PCGF5: variants seen among roughly 807,000 people sequenced by gnomAD.
PCGF5 encodes polycomb group ring finger 5, also known as polycomb group RING finger protein 5.
A neutral mutation model predicts 44.3 loss-of-function variants in PCGF5; 9 were observed. The ratio of observed to expected loss-of-function variants is 0.20; its 90% CI spans 0.12 to 0.35. PCGF5 has a LOEUF of 0.35. PCGF5 is among the 10% of genes least tolerant of loss of function. The pLI is 1.00. For synonymous variants in PCGF5, 95 were observed against 102.5 expected (o/e 0.93, Z 0.44); for missense variants, 146 against 305.3 (o/e 0.48, Z 3.89).
intron 6 of PCGF5, among the ~76,000 whole-genome samples, chr10:91,257,883 A>G (rs977680791): frequency 5.3e-5 from 8 of 152,186 alleles, no homozygotes; most frequent in Admixed American, 1.3e-4. Flanking sequence ...TATTTGTAAT[A>G]GCCAGAAAGT....
intron 1 of PCGF5, 102 bp from the exon 2 acceptor site, chr10:91,222,587 A>T: frequency 8.5e-6 from 4 of 470,368 alleles, no homozygotes; most frequent in Non-Finnish European, 1.5e-5. Context: ...TATTCACCCA[A>T]TTGGGAACAT....
At chr10:91,243,074 T>C (rs1489872770) in intron 3 of PCGF5, among the ~76,000 whole-genome samples, 1 of 152,142 alleles carries the variant, frequency 6.6e-6, no homozygotes, top group Non-Finnish European at 1.5e-5. Context: ...GTAAACACTT[T>C]TTAAAGGATA....
intron 3 of PCGF5, among the ~76,000 whole-genome samples, chr10:91,242,227 G>A (rs1279191335): frequency 6.6e-6 from 1 of 150,628 alleles, no homozygotes; most frequent in Non-Finnish European, 1.5e-5. Context: ...CAATGCACAG[G>A]ATAGGCCCCA....
At chr10:91,225,836 C>T (rs1406276440) in intron 2 of PCGF5, among the ~76,000 whole-genome samples, 1 of 152,132 alleles carries the variant, frequency 6.6e-6, no homozygotes, top group African/African-American at 2.4e-5. Context: ...CAGTATTCCT[C>T]AGCCTTTGGT....
upstream of PCGF5, among the ~76,000 whole-genome samples, chr10:91,216,386 A>G (rs146590122): frequency 2.8e-3 from 426 of 152,242 alleles, 2 homozygotes; most frequent in African/African-American, 9.8e-3. Flanking sequence ...CTATCTAGCT[A>G]GAGAGTAAAG....
chr10:91,261,234 A>G, intron 6 of PCGF5, 92 bp from the exon 7 acceptor site: 1 of 1,330,670 alleles, frequency 7.5e-7, no homozygotes, highest in Non-Finnish European at 9.8e-7. Flanking sequence ...ACTCAAAATG[A>G]TAGTGAAACT....
the PCGF5 span, among the ~76,000 whole-genome samples, chr10:91,157,833 A>G: frequency 6.6e-6 from 1 of 152,198 alleles, no homozygotes; most frequent in Non-Finnish European, 1.5e-5. Context: ...TTGTTCCTCA[A>G]TTTCCTCTTT....
chr10:91,245,170 G>A (rs576149385), intron 3 of PCGF5, among the ~76,000 whole-genome samples: 1 of 152,238 alleles, frequency 6.6e-6, no homozygotes, highest in East Asian at 1.9e-4. Flanking sequence ...CAACCAGTGA[G>A]GTAGAGGAAA....
chr10:91,240,637 A>C, intron 3 of PCGF5, 57 bp downstream of exon 3: 1 of 1,106,456 alleles, frequency 9.0e-7, no homozygotes, highest in Non-Finnish European at 1.3e-6. Flanking sequence ...TAGGCTCTTA[A>C]TTTTTATTGT....
intron 3 of PCGF5, among the ~76,000 whole-genome samples, chr10:91,246,301 A>G (rs1435684042): frequency 1.3e-5 from 2 of 152,194 alleles, no homozygotes; most frequent in Admixed American, 6.5e-5. Flanking sequence ...CTTGAAGAAT[A>G]AGGTAGCATT....
intron 1 of PCGF5, among the ~76,000 whole-genome samples, chr10:91,183,982 C>T (rs1843870415): frequency 6.6e-6 from 1 of 151,606 alleles, no homozygotes; most frequent in Non-Finnish European, 1.5e-5. Flanking sequence ...TTCTTTCTCA[C>T]TGTCTTTAAT....
intron 1 of PCGF5, among the ~76,000 whole-genome samples, chr10:91,202,111 C>T (rs1844263571): frequency 2.0e-5 from 3 of 152,182 alleles, no homozygotes; most frequent in Non-Finnish European, 4.4e-5. Context: ...ATTGTACTCA[C>T]CCCCTAGGAT....
At chr10:91,256,997 G>A (rs1390182032) in intron 6 of PCGF5, among the ~76,000 whole-genome samples, 2 of 152,052 alleles carry the variant, frequency 1.3e-5, no homozygotes, top group Non-Finnish European at 1.5e-5. Flanking sequence ...TAAAACTCTT[G>A]TGTATCAAAG....
intron 2 of PCGF5, among the ~76,000 whole-genome samples, chr10:91,235,415 T>A (rs1379019353): frequency 6.6e-6 from 1 of 152,190 alleles, no homozygotes; most frequent in African/African-American, 2.4e-5. Context: ...ATGTTTGTGA[T>A]GAGGTAAGTA....
chr10:91,238,488 A>T (rs967129961), intron 2 of PCGF5, among the ~76,000 whole-genome samples: 4 of 152,040 alleles, frequency 2.6e-5, no homozygotes, highest in African/African-American at 9.7e-5. Flanking sequence ...TAGACAACCA[A>T]GGATTGCCAA....
intron 7 of PCGF5, among the ~76,000 whole-genome samples, chr10:91,263,209 ATAGTT>A (rs1315699265): frequency 6.6e-6 from 1 of 152,214 alleles, no homozygotes; most frequent in Non-Finnish European, 1.5e-5. Flanking sequence ...CTGGGGCAAG[ATAGTT>A]TAGTTGTTAA....
At chr10:91,182,578 C>T (rs994697087) in intron 1 of PCGF5, among the ~76,000 whole-genome samples, 1 of 152,000 alleles carries the variant, frequency 6.6e-6, no homozygotes, top group Non-Finnish European at 1.5e-5. Flanking sequence ...TATTTCTTGT[C>T]TTCTAGCTTT....
chr10:91,265,859 G>A (rs970921611), intron 8 of PCGF5, among the ~76,000 whole-genome samples: 1 of 152,102 alleles, frequency 6.6e-6, no homozygotes, highest in African/African-American at 2.4e-5. Flanking sequence ...CTAGCAGCAG[G>A]AAGAAAAAAT....
chr10:91,254,203 C>CGTGTGTGT (rs148669111), intron 6 of PCGF5, among the ~76,000 whole-genome samples: 4,670 of 147,994 alleles, frequency 0.032, 257 homozygotes, highest in African/African-American at 0.1. Flanking sequence ...CCCTCCACCT[C>CGTGTGTGT]GTGTGTGTGT....
Sources: allele counts gnomAD v4.1 joint callset (sites outside exome capture counted in the v4.1 genomes callset), GRCh38; gene constraint gnomAD v4.1.1; transcripts MANE v1.5; gene names NCBI Gene and HGNC (gene_info 2026-07-23, HGNC 2026-07-21).